Variants in PES1 observed in about 807,000 individuals in gnomAD.
PES1 encodes the protein pescadillo homolog.
In PES1, 31 loss-of-function variants were observed where a neutral mutation model predicts 77.1. That is an observed-to-expected ratio of 0.40 (90% CI 0.30 to 0.54). The LOEUF is 0.54. PES1 is among the 20% of genes least tolerant of loss of function. The pLI is 0.45. For synonymous variants in PES1, 282 were observed against 303.0 expected (o/e 0.93, Z 0.72); for missense variants, 658 against 771.7 (o/e 0.85, Z 1.75).
rs1195318679 is a variant in PES1 at position 30,580,688 on chromosome 22, T to A, written c.926A>T (p.Gln309Leu). The A allele has an allele frequency of 2.5e-6, 4 of 1,613,234 alleles. No homozygotes were observed. Among genetic ancestry groups the A allele is most frequent in the African/African-American group, 1.3e-5 (1 of 74,938 alleles). Residue 309 changes from glutamine (Q) to leucine (L), a missense_variant, in exon 10 of 15, where the codon CAG becomes CTG. Physicochemically the swap from Gln to Leu is moderately radical, Grantham distance 113. Transcript: ENST00000354694. ...CAGCTCCTTCCTGCGGTCTTCCTCCTGCGCTGACATCTCCTGTTGAGAAAG... is the reference window on the plus strand; with the variant it reads ...CAGCTCCTTCCTGCGGTCTTCCTCCAGCGCTGACATCTCCTGTTGAGAAAG... ...EFPTDGEMSA[Q>L]EEDRRKELEA... is the part of the protein sequence containing the mutation.
chr22:30,582,084 T>C (rs947862016), intron 6 of PES1, among the ~76,000 whole-genome samples: 1 of 152,224 alleles, frequency 6.6e-6, no homozygotes, highest in Admixed American at 6.5e-5. Context: ...CTACAATCTT[T>C]GCTGCATGTC....
At chr22:30,577,882 T>A (rs1305251666) in intron 14 of PES1, among the ~76,000 whole-genome samples, 6 of 152,210 alleles carry the variant, frequency 3.9e-5, no homozygotes, top group Non-Finnish European at 8.8e-5. Flanking sequence ...GGCAGGAACA[T>A]GCTCAGGGAT....
At chr22:30,588,221 G>T in intron 2 of PES1, 47 bp from the exon 3 acceptor site, 1 of 1,611,666 alleles carries the variant, frequency 6.2e-7, no homozygotes, top group South Asian at 1.1e-5. Flanking sequence ...GGGTAAAGGT[G>T]GGGAGCACTG....
At chr22:30,597,837 G>C (rs1339685094) in intron 2 of PES1, among the ~76,000 whole-genome samples, 6 of 151,422 alleles carry the variant, frequency 4.0e-5, no homozygotes, top group South Asian at 2.1e-4. Context: ...GCCCGACTCA[G>C]CTGTGGTAAC....
intron 4 of PES1, 99 bp from the exon 5 acceptor site, chr22:30,584,816 C>G: frequency 8.2e-7 from 1 of 1,222,946 alleles, no homozygotes; most frequent in South Asian, 1.4e-5. Context: ...GTTCCTCAAG[C>G]CAGGCCTCAC....
chr22:30,579,923 C>A lies in PES1; in HGVS notation c.1182G>T (p.Gln394His). 6.2e-7 allele frequency: 1 copy of A among 1,614,016 alleles called. No individual in the cohort carries two copies. The highest frequency in any genetic ancestry group is 1.3e-5 in the African/African-American group (1 of 75,048). ...QTSVIGRCYV[Q>H]PQWVFDSVNA... ...TCACTGAGTCAAACACCCACTGGGG[C>A]TGCACGTAGCACCTGGCGCAGAGTG... The change falls in exon 12 of 15, where the codon CAG becomes CAT. Residue 394 changes from glutamine to histidine, a missense_variant. Coordinates refer to ENST00000354694, the MANE Select transcript of PES1 (RefSeq NM_014303.4).
intron 2 of PES1, among the ~76,000 whole-genome samples, chr22:30,598,105 G>T (rs998996299): frequency 1.3e-5 from 2 of 152,004 alleles, no homozygotes; most frequent in African/African-American, 2.4e-5. Flanking sequence ...GGATGGTCTC[G>T]ATCGCAGTTG....
intron 2 of PES1, among the ~76,000 whole-genome samples, chr22:30,602,925 G>T (rs1348568946): frequency 1.3e-5 from 2 of 152,014 alleles, no homozygotes; most frequent in East Asian, 3.9e-4. Flanking sequence ...GTGTGTGTGT[G>T]TGTGAGAAGG....
In PES1 at chr22:30,603,731, T is replaced by G. The variant is rs1000768412; in HGVS notation, c.-661+1730A>C. 3 of 152,228 alleles carry G rather than the reference T, an allele frequency of 2.0e-5. No individual in the cohort carries two copies. The East Asian group carries it at 5.8e-4, about 29-fold the overall frequency. 9.4% of individuals were successfully genotyped at this position (152,228 alleles called of 1,614,324 possible). ...ACACTTTTAATCACTAAAATAGATA[T>G]TTCATATAGAACTAGAGTTGTGTAT... On this transcript the variant is annotated intron_variant, in intron 2 of 16. Transcript: ENST00000402281.
rs143986712 is a variant in PES1, at chr22:30,601,017, G to C, written c.-661+4444C>G. 4.7e-3 allele frequency among the ~76,000 whole-genome samples: 713 copies of C among 152,358 alleles called. 6 individuals carry two copies. The highest frequency in any genetic ancestry group is 0.025 in the South Asian group (120 of 4,832). Reference sequence around the variant, plus strand: ...AGTTTGTAGCTGCCTCAAGGCAGTTGTACTGCTTACATGACAGCTCAGTAC... The same window carrying C: ...AGTTTGTAGCTGCCTCAAGGCAGTTCTACTGCTTACATGACAGCTCAGTAC... On this transcript the variant is annotated intron_variant, in intron 2 of 16. Coordinates refer to the PES1 transcript ENST00000402281.
chr22:30,604,330 T>A (rs1569034594), intron 2 of PES1, among the ~76,000 whole-genome samples: 2 of 152,180 alleles, frequency 1.3e-5, no homozygotes, highest in African/African-American at 4.8e-5. Flanking sequence ...ATGCATGGCC[T>A]TGATAGAAAT....
chr22:30,581,853 G>C (rs767899548), intron 6 of PES1, among the ~76,000 whole-genome samples: 1 of 152,186 alleles, frequency 6.6e-6, no homozygotes, highest in Non-Finnish European at 1.5e-5. Flanking sequence ...CCAGCCACAA[G>C]TGAGGCTCTG....
intron 2 of PES1, among the ~76,000 whole-genome samples, chr22:30,600,779 C>T (rs945756038): frequency 5.9e-5 from 9 of 152,162 alleles, no homozygotes; most frequent in Non-Finnish European, 1.3e-4. Flanking sequence ...CGCGTCACTG[C>T]ACTCCAGCCT....
At chr22:30,599,449 T>A (rs575840685) in intron 2 of PES1, among the ~76,000 whole-genome samples, 17 of 152,174 alleles carry the variant, frequency 1.1e-4, no homozygotes, top group Non-Finnish European at 2.2e-4. Flanking sequence ...ATAACTAGTT[T>A]AATAGGAAAC....
Position 30,580,065 on chromosome 22 carries a change from G to A in PES1, c.1157C>T (p.Ser386Leu). Residue 386 changes from serine (S) to leucine (L), a missense_variant, in exon 11 of 15, where the codon TCA becomes TTA. Coordinates refer to ENST00000354694, the MANE Select transcript of PES1 (RefSeq NM_014303.4). ...QIVDRPGQQT[S>L]VIGRCYVQPQ... Reference sequence around the variant, plus strand: ...CTTGAGGGCCTACCTGCCAATGACTGAGGTCTGCTGCCCAGGCCGGTCGAC... The same window carrying A: ...CTTGAGGGCCTACCTGCCAATGACTAAGGTCTGCTGCCCAGGCCGGTCGAC... The A allele has an allele frequency of 6.2e-7, 1 of 1,614,038 alleles. No individual in the cohort carries two copies. Among genetic ancestry groups the A allele is most frequent in the Non-Finnish European group, 8.5e-7 (1 of 1,179,932 alleles).
In PES1 at chr22:30,589,177, C is replaced by A; in HGVS notation, c.104+14G>T. Reference sequence around the variant, plus strand: ...ATTCACTGCCCGGGCTTCCCACGGTCCCTCTATATTCACCTAAAGTCAGCC... The same window carrying A: ...ATTCACTGCCCGGGCTTCCCACGGTACCTCTATATTCACCTAAAGTCAGCC... On this transcript the variant is annotated intron_variant, in intron 2 of 14. Coordinates refer to ENST00000354694, the MANE Select transcript of PES1 (RefSeq NM_014303.4). 1 of 1,607,604 alleles carries A rather than the reference C, an allele frequency of 6.2e-7. No individual in the cohort carries two copies. Among genetic ancestry groups the A allele is most frequent in the South Asian group, 1.1e-5 (1 of 90,544 alleles).
At chr22:30,591,312 C>A (rs986194134) in intron 1 of PES1, among the ~76,000 whole-genome samples, 1 of 152,182 alleles carries the variant, frequency 6.6e-6, no homozygotes, top group East Asian at 1.9e-4. Flanking sequence ...GCAAGCCTTC[C>A]CTGCCTACTG....
chr22:30,600,790 G>C (rs1050704618), intron 2 of PES1, among the ~76,000 whole-genome samples: 2 of 152,216 alleles, frequency 1.3e-5, no homozygotes, highest in Non-Finnish European at 2.9e-5. Flanking sequence ...ACTCCAGCCT[G>C]GGTGACAGAG....
intron 14 of PES1, 52 bp from the exon 15 acceptor site, chr22:30,577,181 G>T (rs563781359): frequency 2.8e-6 from 4 of 1,436,226 alleles, no homozygotes; most frequent in East Asian, 2.3e-5. Context: ...AAGGGAGGGT[G>T]GGGGGCACAG....
Sources: gnomAD v4.1 joint callset for allele counts (sites outside exome capture counted in the v4.1 genomes callset) on GRCh38, gnomAD v4.1.1 for gene constraint, MANE v1.5 for transcripts, NCBI Gene and HGNC (gene_info 2026-07-23, HGNC 2026-07-21) for gene names.